The following ALK variants were observed in gnomAD, a reference collection of about 807,000 sequenced individuals.
ALK encodes the protein ALK tyrosine kinase receptor.
A neutral mutation model predicts 163.1 loss-of-function variants in ALK; 74 were observed. The observed-to-expected ratio is 0.45, with a 90% CI of 0.38 to 0.55. The LOEUF is 0.55. Among genes scored for constraint, ALK ranks in the 20% least tolerant of loss-of-function variants. The probability of loss-of-function intolerance (pLI) is 0.00; values close to 1 mark genes in which losing one functional copy is unlikely to be tolerated. For missense variants in ALK, 2,063 were observed against 2,105.3 expected (o/e 0.98, Z 0.39); for synonymous variants, 960 against 843.2 (o/e 1.14, Z -2.40).
At chr2:29,295,369 C>T (rs1437419254) in intron 9 of ALK, among the ~76,000 whole-genome samples, 1 of 152,168 alleles carries the variant, frequency 6.6e-6, no homozygotes, top group Non-Finnish European at 1.5e-5. Context: ...ATTAATTTCA[C>T]CTCTCCCAGG....
chr2:29,581,363 G>A (rs146669798), intron 3 of ALK, among the ~76,000 whole-genome samples: 57 of 152,224 alleles, frequency 3.7e-4, no homozygotes, highest in African/African-American at 1.3e-3. Flanking sequence ...ACTCCAGCCT[G>A]GGCGACAGAG....
chr2:29,725,154 C>CAAA (rs757959526), intron 1 of ALK, among the ~76,000 whole-genome samples: 2 of 67,374 alleles, frequency 3.0e-5, no homozygotes, highest in African/African-American at 1.4e-4. Context: ...TATCCTATAC[C>CAAA]AAAAAAAAAA....
Position 29,716,069 on chromosome 2 carries a change from T to C in ALK, c.787+1509A>G, listed in dbSNP as rs564691790. Among the ~76,000 whole-genome samples, 3 of 152,348 alleles carry C rather than the reference T, an allele frequency of 2.0e-5. No individual in the cohort carries two copies. The South Asian group carries it at 6.2e-4, about 32-fold the overall frequency. On this transcript the variant is annotated intron_variant, in intron 2 of 28. Coordinates refer to ENST00000389048, the MANE Select transcript of ALK (RefSeq NM_004304.5). ...GCAGGCTTTGGACTGGAAGCTTTTCTATAGTGAGTGGAACATCTCTGTTAG... is the reference window on the plus strand; with the variant it reads ...GCAGGCTTTGGACTGGAAGCTTTTCCATAGTGAGTGGAACATCTCTGTTAG...
At chr2:29,621,095 AAAG>A (rs1363558867) in intron 3 of ALK, among the ~76,000 whole-genome samples, 1 of 152,194 alleles carries the variant, frequency 6.6e-6, no homozygotes, top group Non-Finnish European at 1.5e-5. Flanking sequence ...GGGACTTTCC[AAAG>A]GAGGGGGAGA....
intron 3 of ALK, among the ~76,000 whole-genome samples, chr2:29,595,509 A>G (rs1675187385): frequency 6.6e-6 from 1 of 151,842 alleles, no homozygotes; most frequent in Non-Finnish European, 1.5e-5. Context: ...TTTAGTATAG[A>G]CGGGGTTTCA....
At chr2:29,340,302 G>A (rs1442459246) in intron 5 of ALK, among the ~76,000 whole-genome samples, 2 of 152,166 alleles carry the variant, frequency 1.3e-5, no homozygotes, top group Non-Finnish European at 1.5e-5. Flanking sequence ...ACTACTGCAG[G>A]GACCAGGCTT....
chr2:29,265,928 T>G (rs1665210050), intron 11 of ALK, among the ~76,000 whole-genome samples: 1 of 152,158 alleles, frequency 6.6e-6, no homozygotes, highest in Admixed American at 6.5e-5. Context: ...GAGGTTGCAG[T>G]GAGCCAAGAT....
At chr2:29,550,141 A>T (rs1673677092) in intron 3 of ALK, among the ~76,000 whole-genome samples, 1 of 152,350 alleles carries the variant, frequency 6.6e-6, no homozygotes, top group African/African-American at 2.4e-5. Flanking sequence ...GCTAATGCTT[A>T]TCCAGTGCCT....
At chr2:29,895,521 A>G (rs1000965056) in intron 1 of ALK, among the ~76,000 whole-genome samples, 2 of 152,198 alleles carry the variant, frequency 1.3e-5, no homozygotes, top group African/African-American at 4.8e-5. Flanking sequence ...TGGCTATACT[A>G]TGGTCCAGCA....
At chr2:29,284,897 G>A (rs994660542) in intron 9 of ALK, among the ~76,000 whole-genome samples, 2 of 152,174 alleles carry the variant, frequency 1.3e-5, no homozygotes, top group African/African-American at 2.4e-5. Context: ...AGCTGCTCAC[G>A]TACAGCTCAG....
chr2:29,688,026 A>T (rs572525099), intron 3 of ALK, among the ~76,000 whole-genome samples: 1 of 152,248 alleles, frequency 6.6e-6, no homozygotes, highest in African/African-American at 2.4e-5. Context: ...AAGAATTTCT[A>T]TAAAGATATA....
intron 3 of ALK, among the ~76,000 whole-genome samples, chr2:29,554,113 A>G (rs977060999): frequency 3.3e-5 from 5 of 152,208 alleles, no homozygotes; most frequent in African/African-American, 4.8e-5. Flanking sequence ...GAGTGTCTGT[A>G]ATAGCTTTCC....
chr2:29,849,864 C>T (rs1260596017), intron 1 of ALK, among the ~76,000 whole-genome samples: 1 of 152,078 alleles, frequency 6.6e-6, no homozygotes, highest in East Asian at 1.9e-4. Context: ...GCCCTCCCCC[C>T]TCATCCCTCC....
rs1670405571 is a variant in ALK at position 29,436,603 on chromosome 2, C to T, written c.1155-52744G>A. The stretch of plus-strand genomic sequence containing the variant: ...GTATCATGAGGCCTTTGAGAAAAGC[C>T]CCTTTCAACAGAGGCCAGTTTTTTT... On this transcript the variant is annotated intron_variant, in intron 4 of 28. Coordinates refer to ENST00000389048, the MANE Select transcript of ALK (RefSeq NM_004304.5). Among the ~76,000 whole-genome samples the T allele has an allele frequency of 2.6e-5, 4 of 152,102 alleles. No individual in the cohort carries two copies. In the South Asian group the frequency reaches 8.3e-4, roughly 32 times the overall value.
chr2:29,325,289 G>A (rs1271706748), intron 6 of ALK, among the ~76,000 whole-genome samples: 1 of 152,158 alleles, frequency 6.6e-6, no homozygotes, highest in Admixed American at 6.5e-5. Flanking sequence ...GGAAAGAGCT[G>A]GTGTAGTCAA....
intron 1 of ALK, among the ~76,000 whole-genome samples, chr2:29,884,458 CA>C (rs980849985): frequency 2.0e-5 from 3 of 151,838 alleles, no homozygotes; most frequent in African/African-American, 7.3e-5. Flanking sequence ...GCATAAAGAC[CA>C]TTGTAAAAAA....
Position 29,246,391 on chromosome 2 carries a change from G to T in ALK, c.2204+4714C>A, listed in dbSNP as rs1219975278. On this transcript the variant is annotated intron_variant, in intron 12 of 28. Transcript: ENST00000389048. The surrounding 1 kb of genome is among the most constrained non-coding windows in gnomAD (Gnocchi z 4.3). ...TGTCTCCATTTTATGACAACACGAG[G>T]ATGCTGTCCCCCTCCCCAGCACAAA... Among the ~76,000 whole-genome samples, 1 of 152,130 alleles carries T rather than the reference G, an allele frequency of 6.6e-6. No individual in the cohort carries two copies. Among genetic ancestry groups the T allele is most frequent in the African/African-American group, 2.4e-5 (1 of 41,408 alleles).
chr2:29,875,254 G>A (rs943080253), intron 1 of ALK, among the ~76,000 whole-genome samples: 3 of 152,124 alleles, frequency 2.0e-5, no homozygotes, highest in African/African-American at 7.2e-5. Flanking sequence ...TTACTAGGGT[G>A]GGGGAATGGG....
At chr2:29,384,546 G>A (rs1166433803) in intron 4 of ALK, among the ~76,000 whole-genome samples, 1 of 152,096 alleles carries the variant, frequency 6.6e-6, no homozygotes, top group Non-Finnish European at 1.5e-5. Context: ...TAAATTAAAT[G>A]AACACTTTTA....
Sources: allele counts gnomAD v4.1 joint callset (sites outside exome capture counted in the v4.1 genomes callset), GRCh38; gene constraint gnomAD v4.1.1; non-coding constraint Gnocchi (gnomAD v3.1); transcripts MANE v1.5; gene names NCBI Gene and HGNC (gene_info 2026-07-23, HGNC 2026-07-21).